FHIT: variants seen among roughly 807,000 people sequenced by gnomAD.
FHIT encodes fragile histidine triad diadenosine triphosphatase.
A neutral mutation model predicts 17.9 loss-of-function variants in FHIT; 19 were observed. The ratio of observed to expected loss-of-function variants is 1.06; its 90% CI spans 0.74 to 1.56. The LOEUF (loss-of-function observed/expected upper bound fraction) is 1.56. Among genes scored for constraint, FHIT ranks in the 40% most tolerant of loss-of-function variants. The pLI, the probability that FHIT is intolerant of heterozygous loss-of-function variation, is 0.00. For missense variants in FHIT, 248 were observed against 189.2 expected (o/e 1.31, Z -1.82); for synonymous variants, 81 against 69.7 (o/e 1.16, Z -0.81).
chr3:60,047,729 T>G (rs1309326345), intron 5 of FHIT, among the ~76,000 whole-genome samples: 1 of 152,172 alleles, frequency 6.6e-6, no homozygotes, highest in Admixed American at 6.5e-5. Flanking sequence ...CCAATAACTC[T>G]ACGAGGTAAG....
At chr3:60,127,185 C>A (rs564079161) in intron 5 of FHIT, among the ~76,000 whole-genome samples, 13 of 152,232 alleles carry the variant, frequency 8.5e-5, no homozygotes, top group Middle Eastern at 3.4e-3. Context: ...ACTCAGCCCA[C>A]GCAATGTTTT....
At chr3:60,383,128 C>G (rs1369217408) in intron 5 of FHIT, among the ~76,000 whole-genome samples, 1 of 152,118 alleles carries the variant, frequency 6.6e-6, no homozygotes, top group Non-Finnish European at 1.5e-5. Flanking sequence ...AACAGAGCGA[C>G]AGAAATGTTT....
intron 7 of FHIT, among the ~76,000 whole-genome samples, chr3:59,940,157 C>A (rs565002682): frequency 1.2e-4 from 19 of 152,230 alleles, no homozygotes; most frequent in African/African-American, 4.3e-4. Flanking sequence ...CTGTGAGGAT[C>A]AAATTGGTTA....
At chr3:60,977,586 T>C (rs919512538) in intron 3 of FHIT, among the ~76,000 whole-genome samples, 12 of 151,976 alleles carry the variant, frequency 7.9e-5, no homozygotes, top group Admixed American at 2.0e-4. Context: ...GTTAGAATCA[T>C]TGTGGCTGGG....
intron 8 of FHIT, among the ~76,000 whole-genome samples, chr3:59,766,317 T>C (rs1007465342): frequency 2.0e-5 from 3 of 152,228 alleles, no homozygotes; most frequent in Non-Finnish European, 4.4e-5. Flanking sequence ...TTCCTCAAGA[T>C]AGGAATCCAG....
Position 60,382,667 on chromosome 3 carries a change from G to C in FHIT, c.103+154193C>G, listed in dbSNP as rs547632519. The stretch of plus-strand genomic sequence containing the variant: ...CTTGAGTCCATATTATTCCCTGATA[G>C]AACCCAATAATCTAATCAGAGGTTT... On this transcript the variant is annotated intron_variant, in intron 5 of 9. Transcript: ENST00000492590. Among the ~76,000 whole-genome samples the C allele has an allele frequency of 2.0e-3, 305 of 152,222 alleles. 1 individual carries two copies. Among genetic ancestry groups the C allele is most frequent in the Non-Finnish European group, 3.2e-3 (217 of 68,008 alleles).
intron 5 of FHIT, among the ~76,000 whole-genome samples, chr3:60,366,329 T>TG (rs1444829838): frequency 1.3e-5 from 2 of 152,126 alleles, no homozygotes; most frequent in African/African-American, 4.8e-5. Context: ...TTCACCATGT[T>TG]GGCCAGGCTG....
chr3:60,858,642 G>C (rs896962619), intron 3 of FHIT, among the ~76,000 whole-genome samples: 3 of 152,126 alleles, frequency 2.0e-5, no homozygotes, highest in African/African-American at 7.2e-5. Flanking sequence ...GTTTTGGTAA[G>C]TGCCTTATTA....
At chr3:61,070,300 C>T (rs986044573) in intron 2 of FHIT, among the ~76,000 whole-genome samples, 1 of 152,116 alleles carries the variant, frequency 6.6e-6, no homozygotes, top group South Asian at 2.1e-4. Context: ...AGGCAGGCTT[C>T]GGTATGTCAG....
intron 3 of FHIT, among the ~76,000 whole-genome samples, chr3:60,899,560 A>C (rs1164048304): frequency 6.6e-6 from 1 of 152,212 alleles, no homozygotes; most frequent in East Asian, 1.9e-4. Flanking sequence ...TGCTCAGCAA[A>C]TAAAGGAAAC....
chr3:59,915,910 C>T lies in FHIT; in HGVS notation c.348+6436G>A, dbSNP rs1056664419. ...TTGGGCCACTGCTGGCCAGCCTGGG[C>T]AACAAAGTGAGACCCTGTCTCTTAG... On this transcript the variant is annotated intron_variant, in intron 8 of 9. Transcript: ENST00000492590. Among the ~76,000 whole-genome samples, 6 of 133,878 alleles carry T rather than the reference C, an allele frequency of 4.5e-5. No homozygotes were observed. The East Asian group carries it at 1.3e-3, about 29-fold the overall frequency. 87.8% of individuals were successfully genotyped at this position (133,878 alleles called of 152,430 possible). A position where few individuals can be genotyped will look rare whatever the true frequency, so the allele number is the denominator to read the frequency against.
At chr3:60,242,914 A>G (rs1705206893) in intron 5 of FHIT, among the ~76,000 whole-genome samples, 1 of 152,040 alleles carries the variant, frequency 6.6e-6, no homozygotes, top group African/African-American at 2.4e-5. Context: ...TTGTCAGCAT[A>G]TTAACACACC....
chr3:60,970,961 A>C (rs1709977440), intron 3 of FHIT, among the ~76,000 whole-genome samples: 1 of 152,220 alleles, frequency 6.6e-6, no homozygotes, highest in South Asian at 2.1e-4. Flanking sequence ...ATTTTAAAAC[A>C]AATTCCAAAC....
chr3:60,350,543 C>T (rs747997617), intron 5 of FHIT, among the ~76,000 whole-genome samples: 2 of 152,090 alleles, frequency 1.3e-5, no homozygotes, highest in Non-Finnish European at 2.9e-5. Flanking sequence ...TTTGTGCTTT[C>T]CCAAAGATGA....
intron 2 of FHIT, among the ~76,000 whole-genome samples, chr3:61,044,152 G>T (rs576461233): frequency 6.6e-6 from 1 of 152,190 alleles, no homozygotes; most frequent in Non-Finnish European, 1.5e-5. Flanking sequence ...GTTGAGAGAA[G>T]GCTTCAGACG....
intron 5 of FHIT, among the ~76,000 whole-genome samples, chr3:60,441,029 A>C (rs969064689): frequency 4.6e-5 from 7 of 152,102 alleles, no homozygotes; most frequent in Non-Finnish European, 7.4e-5. Flanking sequence ...GGAAATCAGC[A>C]TGTTCACCCC....
At chr3:61,035,867 G>A (rs2033213173) in intron 3 of FHIT, among the ~76,000 whole-genome samples, 1 of 152,092 alleles carries the variant, frequency 6.6e-6, no homozygotes, top group Non-Finnish European at 1.5e-5. Context: ...CCTCAGTAAT[G>A]TTTAGCATGC....
intron 5 of FHIT, among the ~76,000 whole-genome samples, chr3:60,440,070 A>T (rs1459881545): frequency 6.6e-6 from 1 of 152,034 alleles, no homozygotes; most frequent in African/African-American, 2.4e-5. Context: ...TAGCCCCCAG[A>T]GTCTCATTTT....
At chr3:60,472,304 T>C (rs1421019405) in intron 5 of FHIT, among the ~76,000 whole-genome samples, 1 of 152,102 alleles carries the variant, frequency 6.6e-6, no homozygotes, top group Admixed American at 6.6e-5. Context: ...TTTTATTTTA[T>C]AAAGGTTTGC....
Sources: allele counts gnomAD v4.1 joint callset (sites outside exome capture counted in the v4.1 genomes callset), GRCh38; gene constraint gnomAD v4.1.1; transcripts MANE v1.5; gene names NCBI Gene and HGNC (gene_info 2026-07-23, HGNC 2026-07-21).